JAKMIP1: variants seen among roughly 807,000 people sequenced by gnomAD.
The protein encoded by JAKMIP1 is janus kinase and microtubule-interacting protein 1.
JAKMIP1 carries 33 observed loss-of-function variants against 113.0 expected under a neutral mutation model. That is an observed-to-expected ratio of 0.29 (90% CI 0.22 to 0.39). JAKMIP1 has a LOEUF of 0.39. Ranked by LOEUF, JAKMIP1 falls within the 10% of genes least tolerant of loss-of-function variation. The probability of loss-of-function intolerance (pLI) is 1.00; values close to 1 mark genes in which losing one functional copy is unlikely to be tolerated. For synonymous variants in JAKMIP1, 480 were observed against 459.9 expected (o/e 1.04, Z -0.56); for missense variants, 813 against 1,080.5 (o/e 0.75, Z 3.47).
In JAKMIP1 at chr4:6,197,797, G is replaced by A; in HGVS notation, c.-148+2456C>T. 6.6e-6 allele frequency among the ~76,000 whole-genome samples: 1 copy of A among 152,230 alleles called. No homozygotes were observed. Among genetic ancestry groups the A allele is most frequent in the East Asian group, 1.9e-4 (1 of 5,204 alleles). On this transcript the variant is annotated intron_variant, in intron 1 of 20. Transcript: ENST00000409021. This position sits in a 1 kb window ranked among gnomAD's most constrained non-coding sequence, Gnocchi z 6.5. ...TGGCTCAGAGCCTGAAGAGACACAA[G>A]GTCCCACCCTCGAGGAGTTAAACAG...
chr4:6,129,006 C>G lies in JAKMIP1; in HGVS notation c.-147-16009G>C, dbSNP rs1718139041. ...CACTTGCAACCTTCAGAGCTCCTTC[C>G]ACACCATCAGGTTTAGTTGAATCTC... On this transcript the variant is annotated intron_variant, in intron 1 of 20. Coordinates refer to ENST00000409021, the MANE Select transcript of JAKMIP1 (RefSeq NM_001099433.2). This position sits in a 1 kb window ranked among gnomAD's most constrained non-coding sequence, Gnocchi z 5.4. Among the ~76,000 whole-genome samples the G allele has an allele frequency of 6.6e-6, 1 of 152,262 alleles. No homozygotes were observed. Among genetic ancestry groups the G allele is most frequent in the Non-Finnish European group, 1.5e-5 (1 of 68,046 alleles).
intron 1 of JAKMIP1, among the ~76,000 whole-genome samples, chr4:6,144,356 T>C (rs1046658366): frequency 1.3e-5 from 2 of 152,196 alleles, no homozygotes; most frequent in African/African-American, 4.8e-5. Context: ...AAAGTAAAAG[T>C]GCAAAGAACA....
Position 6,044,508 on chromosome 4 carries a change from C to T in JAKMIP1, c.2029-2281G>A, listed in dbSNP as rs1714745540. ...GTGCCAGCCGCGGTGGCCAGCACTTCCTCAAACAAGGCTCAGACAAGATGC... is the reference window on the plus strand; with the variant it reads ...GTGCCAGCCGCGGTGGCCAGCACTTTCTCAAACAAGGCTCAGACAAGATGC... On this transcript the variant is annotated intron_variant, in intron 16 of 20. Transcript: ENST00000409021. The surrounding 1 kb of genome is among the most constrained non-coding windows in gnomAD (Gnocchi z 4.4). 6.6e-6 allele frequency among the ~76,000 whole-genome samples: 1 copy of T among 152,056 alleles called. No individual in the cohort carries two copies. Among genetic ancestry groups the T allele is most frequent in the Non-Finnish European group, 1.5e-5 (1 of 67,998 alleles).
In JAKMIP1 at chr4:6,059,120, G is replaced by A. The variant is rs1200528697; in HGVS notation, c.1644+1304C>T. Among the ~76,000 whole-genome samples the A allele has an allele frequency of 6.6e-6, 1 of 152,230 alleles. No homozygotes were observed. The highest frequency in any genetic ancestry group is 6.5e-5 in the Admixed American group (1 of 15,290). Reference sequence around the variant, plus strand: ...TGACCCAGGTGGCCAGCTATAGCATGTGAGCTCTGCGTCACGATCCCACCG... The same window carrying A: ...TGACCCAGGTGGCCAGCTATAGCATATGAGCTCTGCGTCACGATCCCACCG... On this transcript the variant is annotated intron_variant, in intron 11 of 20. Transcript: ENST00000409021. The surrounding 1 kb of genome is among the most constrained non-coding windows in gnomAD (Gnocchi z 4.8).
intron 3 of JAKMIP1, among the ~76,000 whole-genome samples, chr4:6,101,185 A>G (rs1712959974): frequency 6.6e-6 from 1 of 152,202 alleles, no homozygotes; most frequent in African/African-American, 2.4e-5. Flanking sequence ...TACTTTTTAC[A>G]TGTAGGCCTA....
chr4:6,191,954 T>C (rs1354822759), intron 1 of JAKMIP1, among the ~76,000 whole-genome samples: 3 of 151,312 alleles, frequency 2.0e-5, no homozygotes, highest in Admixed American at 1.3e-4. Flanking sequence ...TATTTTGAGA[T>C]GGAGTTTCGC....
At chr4:6,033,065 T>G (rs568954580) in intron 19 of JAKMIP1, among the ~76,000 whole-genome samples, 1 of 152,346 alleles carries the variant, frequency 6.6e-6, no homozygotes. Context: ...CAACCTTCAC[T>G]CAGGCAGAAC....
chr4:6,095,870 T>C lies in JAKMIP1; in HGVS notation c.624+9603A>G, dbSNP rs114880294. Among the ~76,000 whole-genome samples, 470 of 152,152 alleles carry C rather than the reference T, an allele frequency of 3.1e-3. 1 individual carries two copies. The highest frequency in any genetic ancestry group is 0.011 in the African/African-American group (445 of 41,492). ...GACTCAGTCCCTGTCCTTACAGAAC[T>C]TGGATCCTAGTAGGGGAAAACACAC... On this transcript the variant is annotated intron_variant, in intron 3 of 20. Transcript: ENST00000409021.
chr4:6,174,915 C>T (rs746916281), intron 1 of JAKMIP1, among the ~76,000 whole-genome samples: 3 of 152,160 alleles, frequency 2.0e-5, no homozygotes, highest in Admixed American at 1.3e-4. Context: ...CTGTGGCCAC[C>T]CTCAACCATG....
intron 1 of JAKMIP1, among the ~76,000 whole-genome samples, chr4:6,196,423 T>A (rs1175050524): frequency 3.3e-5 from 5 of 152,172 alleles, no homozygotes; most frequent in African/African-American, 1.2e-4. Context: ...AAGAAAATAC[T>A]TTCTGAAGGC....
At chr4:6,029,476 G>T (rs1330074061) in intron 20 of JAKMIP1, among the ~76,000 whole-genome samples, 1 of 152,212 alleles carries the variant, frequency 6.6e-6, no homozygotes, top group Non-Finnish European at 1.5e-5. Context: ...TTGTGAAAAA[G>T]ACACACAGAG....
At chr4:6,160,639 C>T (rs1026997070) in intron 1 of JAKMIP1, among the ~76,000 whole-genome samples, 4 of 152,254 alleles carry the variant, frequency 2.6e-5, no homozygotes, top group Admixed American at 6.5e-5. Context: ...ACTCTCAACA[C>T]GCTTGCTCAT....
rs191668607 is a variant in JAKMIP1 at position 6,057,018 on chromosome 4, G to A, written c.1645-259C>T. ...CTCCATTCTGTCCGTCTAATTAACA[G>A]AAACATGCCTCCAGGGTGACTGGTC... On this transcript the variant is annotated intron_variant, in intron 11 of 20. Coordinates refer to ENST00000409021, the MANE Select transcript of JAKMIP1 (RefSeq NM_001099433.2). 1.3e-3 allele frequency among the ~76,000 whole-genome samples: 200 copies of A among 152,298 alleles called. 1 individual carries two copies. Among genetic ancestry groups the A allele is most frequent in the Non-Finnish European group, 2.5e-3 (171 of 68,022 alleles).
chr4:6,032,793 G>A (rs759892634), intron 19 of JAKMIP1, among the ~76,000 whole-genome samples: 3 of 152,208 alleles, frequency 2.0e-5, no homozygotes, highest in Non-Finnish European at 4.4e-5. Context: ...AGAGGGCTTC[G>A]AAGGTCAGAC....
chr4:6,161,663 G>A (rs1722976424), intron 1 of JAKMIP1, among the ~76,000 whole-genome samples: 1 of 152,112 alleles, frequency 6.6e-6, no homozygotes, highest in Non-Finnish European at 1.5e-5. Flanking sequence ...GACTCAGGAA[G>A]TCCACCTTGC....
intron 1 of JAKMIP1, among the ~76,000 whole-genome samples, chr4:6,123,052 TG>T (rs1716930700): frequency 6.6e-6 from 1 of 152,242 alleles, no homozygotes; most frequent in Non-Finnish European, 1.5e-5. Context: ...AAACGAAAGA[TG>T]TCACTTGTTA....
chr4:6,036,735 A>C (rs1446880274), intron 18 of JAKMIP1, among the ~76,000 whole-genome samples: 1 of 152,240 alleles, frequency 6.6e-6, no homozygotes, highest in Non-Finnish European at 1.5e-5. Flanking sequence ...AGACACTTAA[A>C]TGTAGCTATC....
Position 6,081,609 on chromosome 4 carries a change from C to T in JAKMIP1, c.1101G>A (p.Met367Ile), listed in dbSNP as rs772730837. Residue 367 changes from methionine (M) to isoleucine (I), a missense_variant and splice_region_variant, in exon 6 of 21, where the codon ATG becomes ATA. Met to Ile is a conservative substitution (Grantham distance 10). Transcript: ENST00000409021. This position sits in a 1 kb window ranked among gnomAD's most constrained non-coding sequence, Gnocchi z 4.6. Reference sequence around the variant, plus strand: ...TGTCCCCAAGGGGTCCACAGCTCACCATTTCCACGTTTTCCCGCGTGAGGT... The same window carrying T: ...TGTCCCCAAGGGGTCCACAGCTCACTATTTCCACGTTTTCCCGCGTGAGGT... ...IKNLTRENVEMKEKLSAQASL... is the reference protein window; with the variant it reads ...IKNLTRENVEIKEKLSAQASL... The T allele has an allele frequency of 2.5e-6, 4 of 1,614,042 alleles. No individual in the cohort carries two copies. In the Admixed American group the frequency reaches 6.7e-5, roughly 27 times the overall value.
chr4:6,056,729 G>A lies in JAKMIP1; in HGVS notation c.1675C>T (p.Leu559Phe), dbSNP rs769186309. 6.2e-7 allele frequency: 1 copy of A among 1,613,564 alleles called. No homozygotes were observed. Among genetic ancestry groups the A allele is most frequent in the Non-Finnish European group, 8.5e-7 (1 of 1,179,672 alleles). ...AGCAAGTCTTGGTTTGTTCTGATGAGCAGCTGCTTCTCTTCAACCCACTTG... is the reference window on the plus strand; with the variant it reads ...AGCAAGTCTTGGTTTGTTCTGATGAACAGCTGCTTCTCTTCAACCCACTTG... ...DSKWVEEKQL[L>F]IRTNQDLLEK... is the part of the protein sequence containing the mutation. Residue 559 changes from leucine to phenylalanine, a missense_variant, in exon 12 of 21, where the codon CTC (leucine) becomes TTC (phenylalanine). Leu to Phe is a conservative substitution (Grantham distance 22, BLOSUM62 0). Transcript: ENST00000409021.
Sources: allele counts gnomAD v4.1 joint callset (sites outside exome capture counted in the v4.1 genomes callset), GRCh38; gene constraint gnomAD v4.1.1; non-coding constraint Gnocchi (gnomAD v3.1); transcripts MANE v1.5; gene names NCBI Gene and HGNC (gene_info 2026-07-23, HGNC 2026-07-21).